Variants in SGSM2 observed in about 807,000 individuals in gnomAD.
SGSM2 encodes small G protein signaling modulator 2, also known as RUN and TBC1 domain containing 1.
A neutral mutation model predicts 126.6 loss-of-function variants in SGSM2; 89 were observed. That is an observed-to-expected ratio of 0.70 (90% CI 0.59 to 0.84). SGSM2 has a LOEUF of 0.84. Among genes scored for constraint, SGSM2 ranks in the 40% least tolerant of loss-of-function variants. SGSM2 has a pLI of 0.00. For missense variants in SGSM2, 1,404 were observed against 1,416.6 expected (o/e 0.99, Z 0.14); for synonymous variants, 614 against 574.3 (o/e 1.07, Z -0.99).
At position 2,364,937 on chromosome 17, in the gene SGSM2, C is replaced by A. The variant is rs753988481; in HGVS notation, c.1041C>A (p.Ile347=). 6.2e-7 allele frequency: 1 copy of A among 1,612,670 alleles called. No individual in the cohort carries two copies. The highest frequency in any genetic ancestry group is 2.2e-5 in the East Asian group (1 of 44,878). Residue 347 remains isoleucine (I), a synonymous_variant, in exon 10 of 24, where the codon ATC becomes ATA. Transcript: ENST00000268989. Reference sequence around the variant, plus strand: ...TTGTGCTGGTGAGCCAGGATGGCATCCAGAGGCCGCCGCTGCATTTCCCAC... The same window carrying A: ...TTGTGCTGGTGAGCCAGGATGGCATACAGAGGCCGCCGCTGCATTTCCCAC... The part of the protein sequence containing the change: ...GTLVLVSQDG[I]QRPPLHFPQG...
At position 2,372,527 on chromosome 17, in the gene SGSM2, C is replaced by T. The variant is rs2065922332; in HGVS notation, c.1788+39C>T. 2.5e-6 allele frequency: 4 copies of T among 1,586,270 alleles called. No homozygotes were observed. Among genetic ancestry groups the T allele is most frequent in the South Asian group, 1.1e-5 (1 of 87,180 alleles). On this transcript the variant is annotated intron_variant, in intron 15 of 23. Coordinates refer to ENST00000268989, the MANE Select transcript of SGSM2 (RefSeq NM_014853.3). This position sits in a 1 kb window ranked among gnomAD's most constrained non-coding sequence, Gnocchi z 6.0. Reference sequence around the variant, plus strand: ...GGTTCCAGGGCCACAGGTCGAGGGGCTGGGGCGGGCAGGAGTGAGGGCTTC... The same window carrying T: ...GGTTCCAGGGCCACAGGTCGAGGGGTTGGGGCGGGCAGGAGTGAGGGCTTC...
chr17:2,362,927 C>T lies in SGSM2; in HGVS notation c.526+22C>T, dbSNP rs751581800. On this transcript the variant is annotated intron_variant, in intron 5 of 23. Transcript: ENST00000268989. This position sits in a 1 kb window ranked among gnomAD's most constrained non-coding sequence, Gnocchi z 4.9. Reference sequence around the variant, plus strand: ...CTAGGTGAGCCTGAGAGCACAGGCACAGTGGGTACGGGGCAGGTGCTGAGG... The same window carrying T: ...CTAGGTGAGCCTGAGAGCACAGGCATAGTGGGTACGGGGCAGGTGCTGAGG... 5 of 1,614,158 alleles carry T rather than the reference C, an allele frequency of 3.1e-6. No homozygotes were observed. Among genetic ancestry groups the T allele is most frequent in the Non-Finnish European group, 8.5e-7 (1 of 1,180,026 alleles).
Position 2,365,200 on chromosome 17 carries a change from C to G in SGSM2, c.1162-15C>G. ...CTGCCCTATACAGCCCGACCACCTA[C>G]CCCTCCTTCCACAGGGGAAAGTGTT... On this transcript the variant is annotated splice_polypyrimidine_tract_variant and intron_variant, in intron 10 of 23. Transcript: ENST00000268989. The G allele has an allele frequency of 6.2e-7, 1 of 1,604,940 alleles. No homozygotes were observed. Among genetic ancestry groups the G allele is most frequent in the Non-Finnish European group, 8.5e-7 (1 of 1,174,306 alleles).
At chr17:2,365,129 C>G in intron 10 of SGSM2, 72 bp downstream of exon 10, 3 of 1,596,102 alleles carry the variant, frequency 1.9e-6, no homozygotes, top group Non-Finnish European at 2.6e-6. Flanking sequence ...TCCTTCCCCA[C>G]GTGGAGTTCT....
chr17:2,363,167 C>G lies in SGSM2; in HGVS notation c.672+33C>G. ...CCCCCTCCCCACCCTTTGGGCTCAT[C>G]TGGGCTATGCCCATGGGCCTGTAGG... is the stretch of plus-strand genomic sequence containing the variant. On this transcript the variant is annotated intron_variant, in intron 6 of 23. Transcript: ENST00000268989. This position sits in a 1 kb window ranked among gnomAD's most constrained non-coding sequence, Gnocchi z 4.2. The G allele has an allele frequency of 6.4e-7, 1 of 1,561,038 alleles. No individual in the cohort carries two copies. Among genetic ancestry groups the G allele is most frequent in the Non-Finnish European group, 8.6e-7 (1 of 1,157,012 alleles).
intron 23 of SGSM2, 25 bp from the exon 24 acceptor site, chr17:2,379,407 T>C: frequency 6.2e-7 from 1 of 1,606,680 alleles, no homozygotes; most frequent in Non-Finnish European, 8.5e-7. Flanking sequence ...TGGGCCTCTC[T>C]ACAGCTCTTC....
At chr17:2,352,537 A>G (rs1185222826) in intron 2 of SGSM2, among the ~76,000 whole-genome samples, 1 of 152,042 alleles carries the variant, frequency 6.6e-6, no homozygotes, top group Non-Finnish European at 1.5e-5. Context: ...TTTCATGTTG[A>G]GTTGTGCTAA....
chr17:2,338,361 CT>C (rs910689523), intron 1 of SGSM2, among the ~76,000 whole-genome samples: 4 of 152,170 alleles, frequency 2.6e-5, no homozygotes, highest in African/African-American at 9.7e-5. Context: ...GGAAGCCCCC[CT>C]ACTTCAGAAA....
intron 17 of SGSM2, chr17:2,373,813 G>A (rs2065999845): frequency 2.7e-6 from 1 of 376,494 alleles, no homozygotes; most frequent in Non-Finnish European, 4.9e-6. Context: ...AGACCTCAAA[G>A]CTAGCAACAG....
chr17:2,380,207 AC>A lies in SGSM2; in HGVS notation c.*689del. 1 of 1,533,176 alleles carries A rather than the reference AC, an allele frequency of 6.5e-7. No homozygotes were observed. Among genetic ancestry groups the A allele is most frequent in the Non-Finnish European group, 8.7e-7 (1 of 1,144,794 alleles). 95.0% of individuals were successfully genotyped at this position (1,533,176 alleles called of 1,614,324 possible). A position where few individuals can be genotyped will look rare whatever the true frequency, so the allele number is the denominator to read the frequency against. ...AGGCCTCCCCGGCCTTGTACAGTGT[AC>A]CTCTGTGTATCTGTACAGCCTCGCT... On this transcript the variant is annotated 3_prime_UTR_variant, in exon 24 of 24. Coordinates refer to ENST00000268989, the MANE Select transcript of SGSM2 (RefSeq NM_014853.3).
chr17:2,372,913 C>T lies in SGSM2; in HGVS notation c.1789-40C>T. 2 of 1,548,514 alleles carry T rather than the reference C, an allele frequency of 1.3e-6. No homozygotes were observed. The highest frequency in any genetic ancestry group is 8.7e-7 in the Non-Finnish European group (1 of 1,145,168). On this transcript the variant is annotated intron_variant, in intron 15 of 23. Coordinates refer to ENST00000268989, the MANE Select transcript of SGSM2 (RefSeq NM_014853.3). This position sits in a 1 kb window ranked among gnomAD's most constrained non-coding sequence, Gnocchi z 6.0. The stretch of plus-strand genomic sequence containing the variant: ...GGCTCACCCAGCTGGGCCACGGTGA[C>T]TGTGGAGGCTGCACAGTCTTGACTC...
chr17:2,363,281 C>A lies in SGSM2; in HGVS notation c.672+147C>A. 7.4e-7 allele frequency: 1 copy of A among 1,347,340 alleles called. No homozygotes were observed. The highest frequency in any genetic ancestry group is 1.0e-6 in the Non-Finnish European group (1 of 1,004,994). 83.5% of individuals were successfully genotyped at this position (1,347,340 alleles called of 1,614,324 possible). Reference sequence around the variant, plus strand: ...GAAGAGCCTTCTCCGCACAATAAAACTTAACACAAATGCCGGGAGCCCATG... The same window carrying A: ...GAAGAGCCTTCTCCGCACAATAAAAATTAACACAAATGCCGGGAGCCCATG... On this transcript the variant is annotated intron_variant, in intron 6 of 23. Coordinates refer to ENST00000268989, the MANE Select transcript of SGSM2 (RefSeq NM_014853.3). This position sits in a 1 kb window ranked among gnomAD's most constrained non-coding sequence, Gnocchi z 4.2.
intron 9 of SGSM2, 22 bp from the exon 10 acceptor site, chr17:2,364,875 C>G: frequency 6.2e-7 from 1 of 1,604,450 alleles, no homozygotes; most frequent in Non-Finnish European, 8.5e-7. Context: ...GCCTCAGCCG[C>G]ACTCTCCACG....
chr17:2,338,027 G>A (rs1214544977), intron 1 of SGSM2, among the ~76,000 whole-genome samples: 1 of 152,156 alleles, frequency 6.6e-6, no homozygotes, highest in African/African-American at 2.4e-5. Context: ...GGCCGGGGGA[G>A]GGGTGGCGGC....
intron 2 of SGSM2, among the ~76,000 whole-genome samples, chr17:2,345,331 G>T (rs1034794683): frequency 1.5e-4 from 23 of 151,388 alleles, no homozygotes; most frequent in Non-Finnish European, 2.7e-4. Context: ...GCGTGGTGGC[G>T]GGCGCCTGTA....
intron 2 of SGSM2, among the ~76,000 whole-genome samples, chr17:2,345,870 G>A (rs1178593315): frequency 6.6e-6 from 1 of 152,126 alleles, no homozygotes; most frequent in Non-Finnish European, 1.5e-5. Context: ...CCCAATTTGG[G>A]CTGAAACTGA....
rs569563983 is a variant in SGSM2 at position 2,380,725 on chromosome 17, C to T, written c.*1205C>T. The T allele has an allele frequency of 2.2e-5, 5 of 227,852 alleles. No homozygotes were observed. The highest frequency in any genetic ancestry group is 5.6e-5 in the Admixed American group (1 of 17,966). 14.1% of individuals were successfully genotyped at this position (227,852 alleles called of 1,614,324 possible). On this transcript the variant is annotated 3_prime_UTR_variant, in exon 24 of 24. Coordinates refer to ENST00000268989, the MANE Select transcript of SGSM2 (RefSeq NM_014853.3). ...TGCCCTGGAACATGGAGGCCCTGCC[C>T]GGGGCTGGGGCCTAGTCCAGCAGCC...
chr17:2,343,701 C>A, intron 2 of SGSM2, 81 bp downstream of exon 2: 1 of 1,214,286 alleles, frequency 8.2e-7, no homozygotes, highest in Non-Finnish European at 1.2e-6. Context: ...GATGAGTCCT[C>A]AGGTGCAGTA....
At chr17:2,361,220 T>C (rs986664246) in intron 2 of SGSM2, among the ~76,000 whole-genome samples, 1 of 152,234 alleles carries the variant, frequency 6.6e-6, no homozygotes, top group Non-Finnish European at 1.5e-5. Context: ...TTTTAGCTCC[T>C]GCAGAGCCCT....
Sources: allele counts gnomAD v4.1 joint callset (sites outside exome capture counted in the v4.1 genomes callset), GRCh38; gene constraint gnomAD v4.1.1; non-coding constraint Gnocchi (gnomAD v3.1); transcripts MANE v1.5; gene names NCBI Gene and HGNC (gene_info 2026-07-23, HGNC 2026-07-21).